Variants in ABAT observed in about 807,000 individuals in gnomAD.
ABAT encodes 4-aminobutyrate aminotransferase.
Under a neutral mutation model 64.6 loss-of-function variants are expected in ABAT, and 45 were observed. That is an observed-to-expected ratio of 0.70 (90% CI 0.55 to 0.89). The LOEUF (loss-of-function observed/expected upper bound fraction) is 0.89, where lower values mean the gene tolerates loss of function less well. Ranked by LOEUF, ABAT falls within the 40% of genes least tolerant of loss-of-function variation. The pLI, the probability that ABAT is intolerant of heterozygous loss-of-function variation, is 0.00. For missense variants in ABAT, 633 were observed against 658.4 expected (o/e 0.96, Z 0.42); for synonymous variants, 297 against 250.5 (o/e 1.19, Z -1.75).
chr16:8,691,921 C>A (rs1168009688), intron 1 of ABAT, among the ~76,000 whole-genome samples: 1 of 152,216 alleles, frequency 6.6e-6, no homozygotes, highest in Non-Finnish European at 1.5e-5. Flanking sequence ...TTGCAAAACC[C>A]TGAATAAAAG....
At chr16:8,734,661 A>C (rs889594526) in intron 1 of ABAT, among the ~76,000 whole-genome samples, 1 of 152,250 alleles carries the variant, frequency 6.6e-6, no homozygotes, top group Non-Finnish European at 1.5e-5. Context: ...AACAGGGTCC[A>C]TGAAGAGGAA....
At chr16:8,687,465 G>GCAATGAGC (rs56285680) in intron 1 of ABAT, among the ~76,000 whole-genome samples, 15,726 of 152,224 alleles carry the variant, frequency 0.1, 963 homozygotes, top group Admixed American at 0.15. Flanking sequence ...GTCGGAGGTT[G>GCAATGAGC]CAATGAGCCG....
intron 1 of ABAT, among the ~76,000 whole-genome samples, chr16:8,681,596 G>T (rs1209177572): frequency 6.7e-6 from 1 of 149,040 alleles, no homozygotes; most frequent in Non-Finnish European, 1.5e-5. Flanking sequence ...AGGTTGAAAT[G>T]AGGTCTTTCT....
chr16:8,761,365 G>A (rs2059793389), intron 6 of ABAT, among the ~76,000 whole-genome samples: 2 of 152,082 alleles, frequency 1.3e-5, no homozygotes, highest in South Asian at 4.1e-4. Context: ...ACCCTTCCCT[G>A]GTACTTACTG....
intron 5 of ABAT, among the ~76,000 whole-genome samples, chr16:8,752,996 G>C (rs181622933): frequency 2.0e-5 from 3 of 151,960 alleles, no homozygotes; most frequent in Non-Finnish European, 4.4e-5. Flanking sequence ...TGATGGGCCC[G>C]AGTCTCAAGA....
At chr16:8,720,162 C>A (rs1246579086) in intron 1 of ABAT, among the ~76,000 whole-genome samples, 1 of 152,222 alleles carries the variant, frequency 6.6e-6, no homozygotes, top group African/African-American at 2.4e-5. Context: ...TGGCCTGCAA[C>A]AGGCATCTCT....
chr16:8,771,464 C>CTTTT (rs1207440161), intron 11 of ABAT, among the ~76,000 whole-genome samples: 1,495 of 108,232 alleles, frequency 0.014, 75 homozygotes, highest in African/African-American at 0.044. Context: ...TAGGGTTTTT[C>CTTTT]TTTCTTTTTT....
chr16:8,717,221 C>T (rs1206546007), intron 1 of ABAT, among the ~76,000 whole-genome samples: 3 of 152,030 alleles, frequency 2.0e-5, no homozygotes, highest in South Asian at 2.1e-4. Context: ...ACCTGGGAGG[C>T]GAAGGTTGCA....
chr16:8,732,909 C>A (rs1361968707), intron 1 of ABAT, among the ~76,000 whole-genome samples: 2 of 149,272 alleles, frequency 1.3e-5, no homozygotes, highest in Admixed American at 6.6e-5. Flanking sequence ...CCGGACGGGG[C>A]GGCTGGCCGG....
At chr16:8,695,044 T>A (rs1476662353) in intron 1 of ABAT, among the ~76,000 whole-genome samples, 1 of 152,138 alleles carries the variant, frequency 6.6e-6, no homozygotes, top group Non-Finnish European at 1.5e-5. Flanking sequence ...GCCTGAGAGG[T>A]GATGACCCTT....
Position 8,776,361 on chromosome 16 carries a change from C to T in ABAT, c.1140C>T (p.Asn380=), listed in dbSNP as rs770156912. The T allele has an allele frequency of 5.6e-6, 9 of 1,614,246 alleles. No homozygotes were observed. The Middle Eastern group carries it at 1.2e-3, about 207-fold the overall frequency. ...FRPNAPYRIF[N]TWLGDPSKNL... ...CATTCCAGCCCTACCGGATCTTCAACACCTGGCTGGGGGACCCGTCCAAGA... is the reference window on the plus strand; with the variant it reads ...CATTCCAGCCCTACCGGATCTTCAATACCTGGCTGGGGGACCCGTCCAAGA... Residue 380 remains asparagine (N), a synonymous_variant, in exon 14 of 16, where the codon AAC becomes AAT. Coordinates refer to ENST00000268251, the MANE Select transcript of ABAT (RefSeq NM_020686.6). This position sits in a 1 kb window ranked among gnomAD's most constrained non-coding sequence, Gnocchi z 4.4.
intron 9 of ABAT, among the ~76,000 whole-genome samples, chr16:8,767,646 A>G (rs1194179177): frequency 1.3e-5 from 2 of 152,164 alleles, no homozygotes; most frequent in Non-Finnish European, 2.9e-5. Context: ...CCAGAAGTTC[A>G]GGTCTCTATG....
At chr16:8,748,201 A>T (rs1181710333) in intron 4 of ABAT, 64 bp downstream of exon 4, 11 of 1,456,134 alleles carry the variant, frequency 7.6e-6, no homozygotes, top group Non-Finnish European at 1.1e-5. Context: ...TAAAAGACAG[A>T]TGCTTAATCT....
At chr16:8,736,262 G>A (rs1036238554) in intron 2 of ABAT, 35 of 206,166 alleles carry the variant, frequency 1.7e-4, no homozygotes, top group Middle Eastern at 2.1e-3. Context: ...TGGGAGCTAT[G>A]ATTTAAGATG....
At chr16:8,732,558 G>T (rs1418740183) in intron 1 of ABAT, among the ~76,000 whole-genome samples, 2 of 151,618 alleles carry the variant, frequency 1.3e-5, no homozygotes, top group Non-Finnish European at 1.5e-5. Flanking sequence ...AGATCAACAG[G>T]ATCCCAAGGC....
At chr16:8,750,083 A>G (rs1377028123) in intron 4 of ABAT, among the ~76,000 whole-genome samples, 1 of 152,202 alleles carries the variant, frequency 6.6e-6, no homozygotes, top group African/African-American at 2.4e-5. Flanking sequence ...TTCTTTAATG[A>G]TTACTACATA....
In ABAT at chr16:8,781,299, C is replaced by T. The variant is rs2060432035; in HGVS notation, c.1382-10C>T. 1 of 1,614,046 alleles carries T rather than the reference C, an allele frequency of 6.2e-7. No homozygotes were observed. Among genetic ancestry groups the T allele is most frequent in the Admixed American group, 1.7e-5 (1 of 60,010 alleles). On this transcript the variant is annotated splice_polypyrimidine_tract_variant and intron_variant, in intron 15 of 15. Transcript: ENST00000268251. This position sits in a 1 kb window ranked among gnomAD's most constrained non-coding sequence, Gnocchi z 4.5. ...AACCACGCTCCTCACCTACCTCCTG[C>T]CTCTTTCAGGTGTGGTGTTGGGTGG...
chr16:8,702,256 T>C (rs1410475242), intron 1 of ABAT, among the ~76,000 whole-genome samples: 2 of 149,084 alleles, frequency 1.3e-5, no homozygotes, highest in East Asian at 3.9e-4. Flanking sequence ...AGCAGAGAGG[T>C]GCTGCACTCT....
At chr16:8,765,002 G>A (rs2059903571) in intron 8 of ABAT, among the ~76,000 whole-genome samples, 172 bp downstream of exon 8, 1 of 152,046 alleles carries the variant, frequency 6.6e-6, no homozygotes, top group Admixed American at 6.6e-5. Context: ...GGCACAGTGG[G>A]GTATGGTGCA....
Sources: allele counts gnomAD v4.1 joint callset (sites outside exome capture counted in the v4.1 genomes callset), GRCh38; gene constraint gnomAD v4.1.1; non-coding constraint Gnocchi (gnomAD v3.1); transcripts MANE v1.5; gene names NCBI Gene and HGNC (gene_info 2026-07-23, HGNC 2026-07-21).